FNDC3B: variants seen among roughly 807,000 people sequenced by gnomAD.
FNDC3B encodes the protein fibronectin type III domain containing 3B, also known as fibronectin type III domain-containing protein 3B.
Under a neutral mutation model 151.5 loss-of-function variants are expected in FNDC3B, and 12 were observed. That is an observed-to-expected ratio of 0.08 (90% confidence interval 0.05 to 0.13). The LOEUF (loss-of-function observed/expected upper bound fraction) is 0.13, where lower values mean the gene tolerates loss of function less well. FNDC3B is among the 10% of genes least tolerant of loss of function. The pLI, the probability that FNDC3B is intolerant of heterozygous loss-of-function variation, is 1.00. For synonymous variants in FNDC3B, 528 were observed against 549.0 expected (o/e 0.96, Z 0.54); for missense variants, 1,214 against 1,505.3 (o/e 0.81, Z 3.20).
rs574573619 is a variant in FNDC3B at position 172,311,651 on chromosome 3, G to C, written c.1254+770G>C. Among the ~76,000 whole-genome samples, 34 of 151,528 alleles carry C rather than the reference G, an allele frequency of 2.2e-4. No individual in the cohort carries two copies. In the East Asian group the frequency reaches 5.8e-3, roughly 26 times the overall value. On this transcript the variant is annotated intron_variant, in intron 11 of 25. Transcript: ENST00000415807. ...GGAGGCCAAGGCAGGTGGATCACGA[G>C]GTCAGGAGATCAAGACCATCCTGGC...
At chr3:172,291,011 A>T (rs1730296633) in intron 7 of FNDC3B, among the ~76,000 whole-genome samples, 1 of 152,210 alleles carries the variant, frequency 6.6e-6, no homozygotes, top group Non-Finnish European at 1.5e-5. Context: ...CATGAAAGAA[A>T]CAATTTAGTA....
chr3:172,262,643 G>A (rs1728706713), intron 6 of FNDC3B, among the ~76,000 whole-genome samples: 1 of 151,400 alleles, frequency 6.6e-6, no homozygotes, highest in Admixed American at 6.6e-5. Context: ...AAGATGCCAG[G>A]CATGGGAGGA....
intron 6 of FNDC3B, among the ~76,000 whole-genome samples, chr3:172,282,665 G>C (rs974703447): frequency 1.3e-5 from 2 of 152,154 alleles, no homozygotes; most frequent in African/African-American, 2.4e-5. Context: ...GGACTGAGCA[G>C]ATCTCCTCTG....
At chr3:172,075,011 A>G (rs1364878408) in intron 1 of FNDC3B, among the ~76,000 whole-genome samples, 1 of 152,174 alleles carries the variant, frequency 6.6e-6, no homozygotes, top group African/African-American at 2.4e-5. Context: ...GTACATTTGT[A>G]CCTATGTTGC....
At chr3:172,360,750 G>T (rs965287006) in intron 22 of FNDC3B, among the ~76,000 whole-genome samples, 2 of 151,704 alleles carry the variant, frequency 1.3e-5, no homozygotes, top group African/African-American at 4.8e-5. Flanking sequence ...ATTTGTGTAG[G>T]TCTATTTCTG....
chr3:172,119,687 C>G (rs938712575), intron 2 of FNDC3B, among the ~76,000 whole-genome samples: 7 of 152,232 alleles, frequency 4.6e-5, no homozygotes, highest in African/African-American at 1.4e-4. Flanking sequence ...AGGGGCACTA[C>G]AAACAAACCT....
At chr3:172,129,552 CTG>C (rs71635720) in intron 2 of FNDC3B, among the ~76,000 whole-genome samples, 2,095 of 152,316 alleles carry the variant, frequency 0.014, 28 homozygotes, top group Non-Finnish European at 0.022. Context: ...TCCCATGATG[CTG>C]TGTTTACTCA....
intron 1 of FNDC3B, among the ~76,000 whole-genome samples, chr3:172,069,184 T>G (rs2219263): frequency 0.68 from 104,203 of 152,126 alleles, 35,969 homozygotes; most frequent in East Asian, 0.79. Context: ...CGCCAGGGCT[T>G]CCAGTCAATT....
At chr3:172,190,014 T>G (rs1354406982) in intron 3 of FNDC3B, among the ~76,000 whole-genome samples, 3 of 152,164 alleles carry the variant, frequency 2.0e-5, no homozygotes, top group Non-Finnish European at 2.9e-5. Flanking sequence ...ACGTCAAGTC[T>G]TGATCAAGTT....
rs973726274 is a variant in FNDC3B at position 172,092,902 on chromosome 3, C to T, written c.-28-19550C>T. Among the ~76,000 whole-genome samples, 4 of 152,094 alleles carry T rather than the reference C, an allele frequency of 2.6e-5. No homozygotes were observed. In the East Asian group the frequency reaches 7.7e-4, roughly 29 times the overall value. ...CTCACTGCAACCTCTGCCTCCTGGG[C>T]TCAAGTGATTCTCCCACCTCAGTCT... On this transcript the variant is annotated intron_variant, in intron 1 of 25. Coordinates refer to ENST00000415807, the MANE Select transcript of FNDC3B (RefSeq NM_022763.4).
intron 25 of FNDC3B, among the ~76,000 whole-genome samples, chr3:172,390,240 G>T (rs1735937564): frequency 6.6e-6 from 1 of 152,150 alleles, no homozygotes; most frequent in Non-Finnish European, 1.5e-5. Flanking sequence ...AAAGAGGGAA[G>T]CTGTTCCAAT....
chr3:172,128,769 A>G (rs1389650207), intron 2 of FNDC3B, among the ~76,000 whole-genome samples: 1 of 152,192 alleles, frequency 6.6e-6, no homozygotes, highest in African/African-American at 2.4e-5. Flanking sequence ...ATAATCATAA[A>G]TGTGGGCTCC....
intron 6 of FNDC3B, among the ~76,000 whole-genome samples, chr3:172,260,956 A>G (rs1330967813): frequency 6.6e-6 from 1 of 152,188 alleles, no homozygotes; most frequent in East Asian, 1.9e-4. Context: ...AGGGGACATT[A>G]GCTGGAGGCG....
rs138237993 is a variant in FNDC3B at position 172,084,383 on chromosome 3, C to G, written c.-28-28069C>G. 4.6e-3 allele frequency among the ~76,000 whole-genome samples: 700 copies of G among 151,574 alleles called. 5 individuals carry two copies. Among genetic ancestry groups the G allele is most frequent in the African/African-American group, 0.016 (652 of 41,264 alleles). ...GGGGGATCACCTGAACCTGGGAGGTCAAGGCTGTGGTGAGCTGAGATGGTG... is the reference window on the plus strand; with the variant it reads ...GGGGGATCACCTGAACCTGGGAGGTGAAGGCTGTGGTGAGCTGAGATGGTG... On this transcript the variant is annotated intron_variant, in intron 1 of 25. Transcript: ENST00000415807.
chr3:172,368,692 T>C (rs1734746137), intron 23 of FNDC3B, among the ~76,000 whole-genome samples: 1 of 152,188 alleles, frequency 6.6e-6, no homozygotes. Context: ...CTTCAGTCCT[T>C]AATTGTTGGG....
At chr3:172,154,710 A>C (rs1559991873) in intron 3 of FNDC3B, among the ~76,000 whole-genome samples, 2 of 152,190 alleles carry the variant, frequency 1.3e-5, no homozygotes, top group Non-Finnish European at 2.9e-5. Context: ...ACCACTGATG[A>C]AATCTACAAC....
chr3:172,246,997 G>A (rs923343684), intron 4 of FNDC3B, among the ~76,000 whole-genome samples: 7 of 152,062 alleles, frequency 4.6e-5, no homozygotes, highest in East Asian at 1.9e-4. Flanking sequence ...GCACACTTAC[G>A]GCTTCTGACG....
chr3:172,043,402 C>T (rs976823995), intron 1 of FNDC3B, among the ~76,000 whole-genome samples: 3 of 152,160 alleles, frequency 2.0e-5, no homozygotes, highest in African/African-American at 7.2e-5. Flanking sequence ...AGTGCAGCGG[C>T]ATGATCACTG....
chr3:172,176,856 G>C (rs113057689), intron 3 of FNDC3B, among the ~76,000 whole-genome samples: 1 of 152,156 alleles, frequency 6.6e-6, no homozygotes, highest in Admixed American at 6.5e-5. Context: ...GTCTTGCAGT[G>C]GGGGAGAGAG....
Sources: allele counts gnomAD v4.1 joint callset (sites outside exome capture counted in the v4.1 genomes callset), GRCh38; gene constraint gnomAD v4.1.1; transcripts MANE v1.5; gene names NCBI Gene and HGNC (gene_info 2026-07-23, HGNC 2026-07-21).